The following CSMD1 variants were observed in gnomAD, a reference collection of about 807,000 sequenced individuals.
The protein encoded by CSMD1 is CUB and sushi domain-containing protein 1.
A neutral mutation model predicts 417.5 loss-of-function variants in CSMD1; 213 were observed. The ratio of observed to expected loss-of-function variants is 0.51; its 90% CI spans 0.46 to 0.57. The LOEUF is 0.57. CSMD1 is among the 20% of genes least tolerant of loss of function. The pLI, the probability that CSMD1 is intolerant of heterozygous loss-of-function variation, is 0.00. For synonymous variants in CSMD1, 2,862 were observed against 1,736.8 expected (o/e 1.65, Z -16.11); for missense variants, 6,923 against 4,529.7 (o/e 1.53, Z -15.17).
At chr8:4,923,893 G>C (rs12677977) in intron 1 of CSMD1, among the ~76,000 whole-genome samples, 5,475 of 152,278 alleles carry the variant, frequency 0.036, 256 homozygotes, top group African/African-American at 0.11. Flanking sequence ...AACTTTATCT[G>C]TATAGGTTTC....
At chr8:3,460,528 A>G (rs1295024000) in intron 12 of CSMD1, among the ~76,000 whole-genome samples, 1 of 152,242 alleles carries the variant, frequency 6.6e-6, no homozygotes, top group African/African-American at 2.4e-5. Flanking sequence ...AGAGTTTAGT[A>G]GCGGGGAGAA....
At chr8:4,635,960 G>T (rs1021679424) in intron 2 of CSMD1, among the ~76,000 whole-genome samples, 6 of 151,808 alleles carry the variant, frequency 4.0e-5, no homozygotes, top group African/African-American at 1.5e-4. Context: ...AAAAAAACTA[G>T]GTGTTTGAAA....
At chr8:3,150,984 T>G (rs1819160622) in intron 40 of CSMD1, among the ~76,000 whole-genome samples, 1 of 152,184 alleles carries the variant, frequency 6.6e-6, no homozygotes, top group Non-Finnish European at 1.5e-5. Context: ...ATACTATTTC[T>G]TGAAAGTTGT....
intron 5 of CSMD1, among the ~76,000 whole-genome samples, chr8:3,778,085 G>A (rs1004526956): frequency 3.3e-5 from 5 of 152,216 alleles, no homozygotes; most frequent in Admixed American, 6.5e-5. Context: ...TGGAGTTTGA[G>A]AGCTGCTGGC....
At chr8:3,098,985 G>C (rs773953972) in intron 46 of CSMD1, among the ~76,000 whole-genome samples, 12 of 151,384 alleles carry the variant, frequency 7.9e-5, no homozygotes, top group Non-Finnish European at 1.2e-4. Flanking sequence ...TAACTGTTAG[G>C]GACCAACCGC....
intron 3 of CSMD1, among the ~76,000 whole-genome samples, chr8:4,065,293 C>T (rs992586458): frequency 2.0e-5 from 3 of 152,180 alleles, no homozygotes; most frequent in South Asian, 2.1e-4. Context: ...GCTTCCCCAT[C>T]CCCCTCAGTA....
In CSMD1 at chr8:3,476,548, C is replaced by T. The variant is rs181444324; in HGVS notation, c.1449-7724G>A. Among the ~76,000 whole-genome samples the T allele has an allele frequency of 2.2e-3, 330 of 152,142 alleles. 2 individuals are homozygous for T. Among genetic ancestry groups the T allele is most frequent in the African/African-American group, 5.5e-3 (229 of 41,506 alleles). Reference sequence around the variant, plus strand: ...GAATGGCGGTACCACTTGGCTTTTCCGCTTGCAATCTCAAAGGTTACACAG... The same window carrying T: ...GAATGGCGGTACCACTTGGCTTTTCTGCTTGCAATCTCAAAGGTTACACAG... On this transcript the variant is annotated intron_variant, in intron 11 of 69. Transcript: ENST00000635120.
chr8:4,658,701 G>A (rs752378901), intron 1 of CSMD1, among the ~76,000 whole-genome samples: 1 of 152,060 alleles, frequency 6.6e-6, no homozygotes, highest in Non-Finnish European at 1.5e-5. Context: ...CATTATACTG[G>A]TAAATATAAA....
chr8:4,261,385 G>C (rs1045152429), intron 3 of CSMD1, among the ~76,000 whole-genome samples: 1 of 152,124 alleles, frequency 6.6e-6, no homozygotes, highest in East Asian at 1.9e-4. Flanking sequence ...ATTAGAATCA[G>C]AATGGTAGTT....
intron 4 of CSMD1, among the ~76,000 whole-genome samples, chr8:4,025,821 T>C (rs1797035140): frequency 6.6e-6 from 1 of 152,222 alleles, no homozygotes; most frequent in Admixed American, 6.5e-5. Flanking sequence ...TTAGTTCTGT[T>C]AATTATTTTC....
chr8:3,563,245 C>T (rs1010328346), intron 10 of CSMD1, among the ~76,000 whole-genome samples: 13 of 151,754 alleles, frequency 8.6e-5, no homozygotes, highest in Admixed American at 1.3e-4. Flanking sequence ...TCCGCACAAA[C>T]CGGGATTTTA....
chr8:3,392,653 A>G lies in CSMD1; in HGVS notation c.2593+3541T>C, dbSNP rs140547613. Reference sequence around the variant, plus strand: ...GAATCACCTCGAGGACTTGATTAAAAGCTCAGGATTCTGATTTTCATCATG... The same window carrying G: ...GAATCACCTCGAGGACTTGATTAAAGGCTCAGGATTCTGATTTTCATCATG... On this transcript the variant is annotated intron_variant, in intron 17 of 69. Transcript: ENST00000635120. Among the ~76,000 whole-genome samples the G allele has an allele frequency of 6.5e-4, 99 of 152,214 alleles. 1 individual carries two copies. The East Asian group carries it at 0.018, about 27-fold the overall frequency.
intron 2 of CSMD1, among the ~76,000 whole-genome samples, chr8:4,545,275 A>C (rs1427854198): frequency 6.6e-6 from 1 of 152,236 alleles, no homozygotes; most frequent in Non-Finnish European, 1.5e-5. Context: ...TTCTCAATGA[A>C]AGATGAAATA....
At chr8:4,160,170 C>T (rs1647292) in intron 3 of CSMD1, among the ~76,000 whole-genome samples, 37,932 of 151,818 alleles carry the variant, frequency 0.25, 5,235 homozygotes, top group East Asian at 0.42. Context: ...GATTTACTGA[C>T]TAAGACTTAA....
At chr8:3,647,887 T>G (rs2117361036) in intron 7 of CSMD1, among the ~76,000 whole-genome samples, 1 of 152,364 alleles carries the variant, frequency 6.6e-6, no homozygotes, top group African/African-American at 2.4e-5. Context: ...TCTGTGTAAG[T>G]TTGGAATTAC....
rs1554448540 is a variant in CSMD1, at chr8:3,168,654, A to ACACACACACAC, written c.5726-6378_5726-6377insGTGTGTGTGTG. ...CATCACACACACACACACACACACA[A>ACACACACACAC]ATATATATATATATGGAAAACGCCA... is the stretch of plus-strand genomic sequence containing the variant. On this transcript the variant is annotated intron_variant, in intron 37 of 69. Coordinates refer to ENST00000635120, the MANE Select transcript of CSMD1 (RefSeq NM_033225.6). 1.4e-4 allele frequency among the ~76,000 whole-genome samples: 15 copies of ACACACACACAC among 105,286 alleles called. 1 individual carries two copies. In the South Asian group the frequency reaches 6.0e-3, roughly 42 times the overall value. 69.1% of individuals were successfully genotyped at this position (105,286 alleles called of 152,430 possible).
chr8:4,023,689 C>T (rs750319793), intron 4 of CSMD1, among the ~76,000 whole-genome samples: 1 of 150,738 alleles, frequency 6.6e-6, no homozygotes, highest in Admixed American at 6.6e-5. Flanking sequence ...AGGGTTCACG[C>T]CATTCTCCTG....
At chr8:4,567,001 T>C (rs1226946676) in intron 2 of CSMD1, among the ~76,000 whole-genome samples, 1 of 152,128 alleles carries the variant, frequency 6.6e-6, no homozygotes, top group African/African-American at 2.4e-5. Flanking sequence ...AATGAAATCC[T>C]GTATGTATTT....
chr8:3,389,785 A>G (rs1391850341), intron 17 of CSMD1, among the ~76,000 whole-genome samples: 1 of 152,248 alleles, frequency 6.6e-6, no homozygotes, highest in Admixed American at 6.5e-5. Context: ...TGAATTATTT[A>G]CATTTCAAAC....
Sources: gnomAD v4.1 joint callset for allele counts (sites outside exome capture counted in the v4.1 genomes callset) on GRCh38, gnomAD v4.1.1 for gene constraint, MANE v1.5 for transcripts, NCBI Gene and HGNC (gene_info 2026-07-23, HGNC 2026-07-21) for gene names.